Variants in RNF10 observed in about 807,000 individuals in gnomAD.
The protein encoded by RNF10 is E3 ubiquitin-protein ligase RNF10.
In RNF10, 38 loss-of-function variants were observed where a neutral mutation model predicts 91.4. The observed-to-expected ratio is 0.42, with a 90% CI of 0.32 to 0.54. The LOEUF (loss-of-function observed/expected upper bound fraction) is 0.54. Among genes scored for constraint, RNF10 ranks in the 20% least tolerant of loss-of-function variants. The pLI is 0.16. For synonymous variants in RNF10, 364 were observed against 366.3 expected (o/e 0.99, Z 0.07); for missense variants, 945 against 1,012.0 (o/e 0.93, Z 0.90).
At chr12:120,546,322 A>T (rs1322966879) in intron 1 of RNF10, 83 bp from the exon 2 acceptor site, 11 of 1,327,000 alleles carry the variant, frequency 8.3e-6, no homozygotes, top group Non-Finnish European at 1.2e-5. Context: ...ATTCACCCTT[A>T]TTTTTTGCTG....
chr12:120,540,912 T>G (rs532067593), intron 1 of RNF10, among the ~76,000 whole-genome samples: 341 of 151,544 alleles, frequency 2.3e-3, no homozygotes, highest in African/African-American at 7.8e-3. Flanking sequence ...TGGAGTGTAG[T>G]GGTGCAGTCT....
rs961563858 is a variant in RNF10 at position 120,557,311 on chromosome 12, C to G, written c.675C>G (p.Cys225Trp). 6.2e-7 allele frequency: 1 copy of G among 1,613,948 alleles called. No homozygotes were observed. Among genetic ancestry groups the G allele is most frequent in the Non-Finnish European group, 8.5e-7 (1 of 1,180,022 alleles). Reference sequence around the variant, plus strand: ...TTTGTAGCCATGAAGTGCCATCTTGCCCAATATGCCTCTATCCACCTACTG... The same window carrying G: ...TTTGTAGCCATGAAGTGCCATCTTGGCCAATATGCCTCTATCCACCTACTG... ...VRICSHEVPS[C>W]PICLYPPTAA... The change falls in exon 5 of 17, where the codon TGC (cysteine) becomes TGG (tryptophan). Residue 225 changes from cysteine to tryptophan, a missense_variant. Physicochemically the swap from Cys to Trp is radical, Grantham distance 215. Transcript: ENST00000325954.
At chr12:120,547,432 G>C (rs1308173599) in intron 2 of RNF10, among the ~76,000 whole-genome samples, 2 of 152,144 alleles carry the variant, frequency 1.3e-5, no homozygotes, top group Non-Finnish European at 2.9e-5. Flanking sequence ...TGGAAATACA[G>C]GTGCATGCCA....
At chr12:120,538,441 C>T (rs58820431) in intron 1 of RNF10, among the ~76,000 whole-genome samples, 4,697 of 152,224 alleles carry the variant, frequency 0.031, 247 homozygotes, top group African/African-American at 0.11. Context: ...TTGATCTTTC[C>T]GGCTAGAGTC....
At chr12:120,559,176 CTTTTTTTTTTTTTT>C (rs34120761) in intron 6 of RNF10, among the ~76,000 whole-genome samples, 5 of 95,808 alleles carry the variant, frequency 5.2e-5, no homozygotes, top group East Asian at 3.1e-4. Flanking sequence ...TTGAACTACT[CTTTTTTTTTTTTTT>C]TTTTTTTTTG....
chr12:120,573,850 C>T (rs1419360985), intron 14 of RNF10, among the ~76,000 whole-genome samples: 1 of 152,212 alleles, frequency 6.6e-6, no homozygotes, highest in East Asian at 1.9e-4. Context: ...CCAGCTACTT[C>T]AGATCCCTTC....
chr12:120,565,109 C>T lies in RNF10; in HGVS notation c.1703C>T (p.Pro568Leu). The T allele has an allele frequency of 6.2e-7, 1 of 1,613,946 alleles. No homozygotes were observed. The highest frequency in any genetic ancestry group is 8.5e-7 in the Non-Finnish European group (1 of 1,179,858). The change falls in exon 11 of 17, where the codon CCA becomes CTA. Residue 568 changes from proline (P) to leucine (L), a missense_variant. Coordinates refer to ENST00000325954, the MANE Select transcript of RNF10 (RefSeq NM_014868.5). ...CGTCACAGATATCTCTCTCACTTGC[C>T]ACTCACCTGTGAGTTCAGCATCTGT... ...RQRHRYLSHL[P>L]LTCEFSICEL...
At chr12:120,568,103 G>C (rs1156987356) in intron 13 of RNF10, among the ~76,000 whole-genome samples, 1 of 152,072 alleles carries the variant, frequency 6.6e-6, no homozygotes, top group East Asian at 1.9e-4. Flanking sequence ...AATTTAGCCA[G>C]GTGTGGTAGT....
At chr12:120,553,074 T>G (rs1873391589) in intron 3 of RNF10, among the ~76,000 whole-genome samples, 2 of 16,830 alleles carry the variant, frequency 1.2e-4, no homozygotes, top group African/African-American at 3.7e-4. Flanking sequence ...TTTTTTTTTT[T>G]TTTTTTTTTT....
In RNF10 at chr12:120,576,764, T is replaced by A; in HGVS notation, c.*98T>A. ...CTGCTGTAATTTTTAAGTATTTGAGTTTGAACAGATTAGCTCTGGGGGGAG... is the reference window on the plus strand; with the variant it reads ...CTGCTGTAATTTTTAAGTATTTGAGATTGAACAGATTAGCTCTGGGGGGAG... On this transcript the variant is annotated 3_prime_UTR_variant, in exon 17 of 17. Transcript: ENST00000325954. The A allele has an allele frequency of 1.3e-6, 2 of 1,520,038 alleles. No homozygotes were observed. The highest frequency in any genetic ancestry group is 2.5e-5 in the South Asian group (2 of 81,436). 94.2% of individuals were successfully genotyped at this position (1,520,038 alleles called of 1,614,324 possible).
chr12:120,573,870 G>A (rs1877017047), intron 14 of RNF10, among the ~76,000 whole-genome samples: 1 of 152,182 alleles, frequency 6.6e-6, no homozygotes, highest in Admixed American at 6.6e-5. Context: ...CTGTGGTAAG[G>A]GCAGAGGCTG....
intron 1 of RNF10, among the ~76,000 whole-genome samples, chr12:120,543,435 T>TGGAGGATCGCCTGAGCCC (rs1014259115): frequency 6.6e-6 from 1 of 151,802 alleles, no homozygotes; most frequent in African/African-American, 2.4e-5. Context: ...CACCTGAGCC[T>TGGAGGATCGCCTGAGCCC]GGAGGATCGC....
intron 1 of RNF10, among the ~76,000 whole-genome samples, chr12:120,543,352 A>G (rs957013542): frequency 6.6e-6 from 1 of 152,178 alleles, no homozygotes; most frequent in African/African-American, 2.4e-5. Flanking sequence ...CATTGTAATA[A>G]GATAAAAGTG....
intron 1 of RNF10, among the ~76,000 whole-genome samples, chr12:120,541,313 G>A (rs1871526088): frequency 6.6e-6 from 1 of 152,112 alleles, no homozygotes; most frequent in South Asian, 2.1e-4. Context: ...GAGGATATGT[G>A]TTTTCTTTAT....
At chr12:120,567,885 GTA>G (rs920467744) in intron 13 of RNF10, among the ~76,000 whole-genome samples, 2 of 150,464 alleles carry the variant, frequency 1.3e-5, no homozygotes, top group African/African-American at 2.4e-5. Context: ...GTGTGTGTAT[GTA>G]TATATATATA....
In RNF10 at chr12:120,565,408, A is replaced by G. The variant is rs1260325256; in HGVS notation, c.1784-20A>G. 1 of 1,612,334 alleles carries G rather than the reference A, an allele frequency of 6.2e-7. No homozygotes were observed. Among genetic ancestry groups the G allele is most frequent in the African/African-American group, 1.3e-5 (1 of 74,948 alleles). On this transcript the variant is annotated intron_variant, in intron 11 of 16. Transcript: ENST00000325954. The stretch of plus-strand genomic sequence containing the variant: ...CATGTTGTCCTGGGTCTACCTCTTT[A>G]CAACCTGACCAATCTGCAGATGACA...
At chr12:120,544,717 G>C (rs184824019) in intron 1 of RNF10, among the ~76,000 whole-genome samples, 2 of 152,096 alleles carry the variant, frequency 1.3e-5, no homozygotes, top group Admixed American at 1.3e-4. Context: ...TCGGTGTAAC[G>C]GTTCTAGAAA....
intron 1 of RNF10, among the ~76,000 whole-genome samples, chr12:120,540,093 T>G (rs1430321666): frequency 7.0e-6 from 1 of 142,986 alleles, no homozygotes; most frequent in Admixed American, 7.2e-5. Context: ...AAAAAAAAAA[T>G]AGGGGTGTGT....
chr12:120,576,018 G>C (rs1877345376), intron 16 of RNF10, 68 bp downstream of exon 16: 8 of 1,522,304 alleles, frequency 5.3e-6, no homozygotes, highest in Non-Finnish European at 7.3e-6. Context: ...TTCCCGCCTG[G>C]ATTCAGTGGC....
Sources: gnomAD v4.1 joint callset for allele counts (sites outside exome capture counted in the v4.1 genomes callset) on GRCh38, gnomAD v4.1.1 for gene constraint, MANE v1.5 for transcripts, NCBI Gene and HGNC (gene_info 2026-07-23, HGNC 2026-07-21) for gene names.